ADGRD1: variants seen among roughly 807,000 people sequenced by gnomAD.
The protein encoded by ADGRD1 is G-protein coupled receptor 133.
In ADGRD1, 77 loss-of-function variants were observed where a neutral mutation model predicts 113.4. The ratio of observed to expected loss-of-function variants is 0.68; its 90% CI spans 0.57 to 0.82. ADGRD1 has a LOEUF of 0.82. ADGRD1 is among the 40% of genes least tolerant of loss of function. The probability of loss-of-function intolerance (pLI) is 0.00; values close to 1 mark genes in which losing one functional copy is unlikely to be tolerated. For synonymous variants in ADGRD1, 474 were observed against 475.0 expected, an observed-to-expected ratio of 1.00 and a Z score of 0.03; for missense variants, 1,036 against 1,139.1, an observed-to-expected ratio of 0.91 and a Z score of 1.30.
At chr12:130,994,962 C>T (rs183183010) in intron 8 of ADGRD1, among the ~76,000 whole-genome samples, 8 of 152,258 alleles carry the variant, frequency 5.3e-5, no homozygotes, top group South Asian at 2.1e-4. Flanking sequence ...TAGGGCAGGC[C>T]GGAGCCACTG....
chr12:131,039,348 C>T lies in ADGRD1; in HGVS notation c.1473+25008C>T, dbSNP rs556319578. ...CCTCACGGGGTGACCCTTTCAACGC[C>T]GGGGAAATGGGGGAAAAGCCAGCTC... On this transcript the variant is annotated intron_variant, in intron 13 of 24. Coordinates refer to ENST00000261654, the MANE Select transcript of ADGRD1 (RefSeq NM_198827.5). Among the ~76,000 whole-genome samples, 31 of 152,356 alleles carry T rather than the reference C, an allele frequency of 2.0e-4. No homozygotes were observed. In the South Asian group the frequency reaches 5.2e-3, roughly 25 times the overall value.
intron 23 of ADGRD1, chr12:131,137,920 C>T (rs1951136173): frequency 3.6e-6 from 2 of 548,710 alleles, no homozygotes; most frequent in South Asian, 3.9e-5. Flanking sequence ...GCAGAGGCCA[C>T]TCCACACCCA....
Position 131,139,260 on chromosome 12 carries a change from G to T in ADGRD1, c.2622G>T (p.Val874=). The T allele has an allele frequency of 1.2e-6, 2 of 1,610,914 alleles. No homozygotes were observed. Residue 874 remains valine (V), a synonymous_variant, in exon 25 of 25, where the codon GTG becomes GTT. Transcript: ENST00000261654. ...CCCACCGCGTCGACCTGTCAGCCGT[G>T]TGAGCCGGGAGGCTGCCAACCAGGC... ...HSAHRVDLSA[V] is the part of the protein sequence containing the mutation.
chr12:131,131,467 G>T (rs1245687838), intron 20 of ADGRD1, among the ~76,000 whole-genome samples: 1 of 152,226 alleles, frequency 6.6e-6, no homozygotes, highest in Non-Finnish European at 1.5e-5. Flanking sequence ...ATGCCCTCAT[G>T]CCCGGATGTG....
Position 130,992,551 on chromosome 12 carries a change from C to A in ADGRD1, c.966+159C>A, listed in dbSNP as rs187739787. On this transcript the variant is annotated intron_variant, in intron 8 of 24. Transcript: ENST00000261654. ...CTCATGAACAACCAGCTGGTGTGGC[C>A]CTCCTGGCCAGCTCTGTACAGCTCA... is the stretch of plus-strand genomic sequence containing the variant. The A allele has an allele frequency of 4.7e-6, 3 of 639,880 alleles. No homozygotes were observed. In the East Asian group the frequency reaches 8.1e-5, roughly 17 times the overall value. 39.6% of individuals were successfully genotyped at this position (639,880 alleles called of 1,614,324 possible).
intron 5 of ADGRD1, among the ~76,000 whole-genome samples, chr12:130,985,248 G>A (rs61643324): frequency 0.029 from 4,461 of 152,118 alleles, 208 homozygotes; most frequent in African/African-American, 0.1. Context: ...GTTTTTGGGT[G>A]TATTTTGGAT....
Position 130,954,303 on chromosome 12 carries a change from T to A in ADGRD1, c.-163T>A, listed in dbSNP as rs1041023731. 7 of 563,298 alleles carry A rather than the reference T, an allele frequency of 1.2e-5. No homozygotes were observed. The highest frequency in any genetic ancestry group is 1.2e-4 in the East Asian group (4 of 33,162). 34.9% of individuals were successfully genotyped at this position (563,298 alleles called of 1,614,324 possible). A position where few individuals can be genotyped will look rare whatever the true frequency, so the allele number is the denominator to read the frequency against. ...AGACGAGGAAGAAACACCCATTAGG[T>A]CTCCAAGACAGCTGTGTTTCACAAA... is the stretch of plus-strand genomic sequence containing the variant. On this transcript the variant is annotated 5_prime_UTR_variant, in exon 1 of 25. Transcript: ENST00000261654. The surrounding 1 kb of genome is among the most constrained non-coding windows in gnomAD (Gnocchi z 4.7).
At chr12:131,119,321 A>G (rs1196616218) in intron 19 of ADGRD1, among the ~76,000 whole-genome samples, 1 of 152,248 alleles carries the variant, frequency 6.6e-6, no homozygotes. Flanking sequence ...AAGCATTTGT[A>G]GAAGGCAGTG....
chr12:131,023,471 G>GTT (rs1001305761), intron 13 of ADGRD1: 7 of 151,488 alleles, frequency 4.6e-5, no homozygotes, highest in East Asian at 1.9e-4. Context: ...TCCCATTCGT[G>GTT]TGTGTGTGTG....
At chr12:131,032,460 C>T (rs28422819) in intron 13 of ADGRD1, among the ~76,000 whole-genome samples, 16,571 of 151,794 alleles carry the variant, frequency 0.11, 1,242 homozygotes, top group Non-Finnish European at 0.16. Context: ...CGTCCCCCAC[C>T]GCTGTGTGGC....
intron 2 of ADGRD1, among the ~76,000 whole-genome samples, chr12:130,963,576 G>C (rs1330403385): frequency 1.3e-5 from 2 of 152,008 alleles, no homozygotes; most frequent in Admixed American, 1.3e-4. Flanking sequence ...TTAAAAATTA[G>C]ACAATATCAA....
intron 18 of ADGRD1, among the ~76,000 whole-genome samples, chr12:131,109,525 G>T (rs1950304438): frequency 6.6e-6 from 1 of 151,982 alleles, no homozygotes. Flanking sequence ...TGTTTAATTT[G>T]TACATATTCA....
At chr12:131,030,655 C>G (rs184148796) in intron 13 of ADGRD1, 1 of 152,232 alleles carries the variant, frequency 6.6e-6, no homozygotes, top group Non-Finnish European at 1.5e-5. Context: ...AGCCACGTCC[C>G]GGGGAATAGT....
chr12:131,034,222 A>G (rs1881132621), intron 13 of ADGRD1, among the ~76,000 whole-genome samples: 1 of 152,004 alleles, frequency 6.6e-6, no homozygotes, highest in Admixed American at 6.5e-5. Flanking sequence ...CTCCCCGCCC[A>G]TTCCACTCCG....
chr12:130,966,921 C>T lies in ADGRD1; in HGVS notation c.187+375C>T, dbSNP rs1313483786. On this transcript the variant is annotated intron_variant, in intron 3 of 24. Transcript: ENST00000261654. The surrounding 1 kb of genome is among the most constrained non-coding windows in gnomAD (Gnocchi z 4.6). ...AGGCGTGAGCCACTGTGCCAGGCCA[C>T]GAAGCATTTTACTAGAATTTTTATA... The T allele has an allele frequency of 1.8e-5, 8 of 439,748 alleles. No homozygotes were observed. The highest frequency in any genetic ancestry group is 3.4e-4 in the Middle Eastern group (1 of 2,924). 27.2% of individuals were successfully genotyped at this position (439,748 alleles called of 1,614,324 possible).
At chr12:131,074,962 G>A (rs535333184) in intron 13 of ADGRD1, among the ~76,000 whole-genome samples, 1 of 152,170 alleles carries the variant, frequency 6.6e-6, no homozygotes, top group Non-Finnish European at 1.5e-5. Flanking sequence ...ACTTCCAGAG[G>A]CCACAGCAGC....
At chr12:131,008,783 C>T (rs1453278863) in intron 12 of ADGRD1, among the ~76,000 whole-genome samples, 1 of 152,218 alleles carries the variant, frequency 6.6e-6, no homozygotes, top group Non-Finnish European at 1.5e-5. Context: ...CTGAGACTGG[C>T]CTGCTCCCAG....
Position 130,961,673 on chromosome 12 carries a change from CT to C in ADGRD1, c.104-4787del, listed in dbSNP as rs551031455. 2.9e-3 allele frequency among the ~76,000 whole-genome samples: 434 copies of C among 152,272 alleles called. 5 individuals carry two copies. Among genetic ancestry groups the C allele is most frequent in the South Asian group, 0.025 (120 of 4,816 alleles). On this transcript the variant is annotated intron_variant, in intron 2 of 24. Coordinates refer to ENST00000261654, the MANE Select transcript of ADGRD1 (RefSeq NM_198827.5). ...GTGCCTTTTTCCCGAAAGAATGAGA[CT>C]TTCTTGCTCTGATGAAACTTGTAGG... is the stretch of plus-strand genomic sequence containing the variant.
intron 20 of ADGRD1, among the ~76,000 whole-genome samples, chr12:131,122,303 A>G (rs10848290): frequency 0.22 from 33,152 of 152,044 alleles, 4,992 homozygotes; most frequent in East Asian, 0.7. Context: ...CACAGCGTCT[A>G]CAGAGCTCCG....
Sources: allele counts gnomAD v4.1 joint callset (sites outside exome capture counted in the v4.1 genomes callset), GRCh38; gene constraint gnomAD v4.1.1; non-coding constraint Gnocchi (gnomAD v3.1); transcripts MANE v1.5; gene names NCBI Gene and HGNC (gene_info 2026-07-23, HGNC 2026-07-21).